Variants in SNN observed in about 807,000 individuals in gnomAD.
SNN encodes the protein AG8_1.
Under a neutral mutation model 5.3 loss-of-function variants are expected in SNN, and 5 were observed. The observed-to-expected ratio is 0.94, with a 90% CI of 0.49 to 1.97. The LOEUF (loss-of-function observed/expected upper bound fraction) is 1.97. SNN is among the 30% of genes most tolerant of loss of function. The pLI, the probability that SNN is intolerant of heterozygous loss-of-function variation, is 0.01. For missense variants in SNN, 127 were observed against 121.6 expected, an observed-to-expected ratio of 1.04 and a Z score of -0.21; for synonymous variants, 67 against 52.1, an observed-to-expected ratio of 1.29 and a Z score of -1.24.
In SNN at chr16:11,672,298, G is replaced by C. The variant is rs1277151657; in HGVS notation, c.-85-3677G>C. On this transcript the variant is annotated intron_variant, in intron 1 of 1. Transcript: ENST00000329565. This position sits in a 1 kb window ranked among gnomAD's most constrained non-coding sequence, Gnocchi z 6.0. ...CCAGGGGACAGCCCCTGAGCCTAGA[G>C]AAGGGCAGGTAGCAAGGAGAGCAAA... Among the ~76,000 whole-genome samples, 1 of 152,194 alleles carries C rather than the reference G, an allele frequency of 6.6e-6. No individual in the cohort carries two copies. The highest frequency in any genetic ancestry group is 2.4e-5 in the African/African-American group (1 of 41,428).
In SNN at chr16:11,679,142, TATA is replaced by T. The variant is rs2050338031; in HGVS notation, c.*2817_*2819del. 30 of 1,560,108 alleles carry T rather than the reference TATA, an allele frequency of 1.9e-5. No individual in the cohort carries two copies. The South Asian group carries it at 3.3e-4, about 17-fold the overall frequency. ...TAAATTTCAATAAAATTTGCATAAA[TATA>T]TTCCCAATGTACAATTTTCACCTCT... On this transcript the variant is annotated 3_prime_UTR_variant, in exon 2 of 2. Coordinates refer to ENST00000329565, the MANE Select transcript of SNN (RefSeq NM_003498.6). The surrounding 1 kb of genome is among the most constrained non-coding windows in gnomAD (Gnocchi z 4.6).
chr16:11,674,853 T>C (rs1264723681), intron 1 of SNN, among the ~76,000 whole-genome samples: 3 of 152,184 alleles, frequency 2.0e-5, no homozygotes, highest in Non-Finnish European at 4.4e-5. Context: ...TTCCTGACAA[T>C]GGCACCCTGT....
Position 11,676,035 on chromosome 16 carries a change from G to A in SNN, c.-25G>A, listed in dbSNP as rs374074051. 4.5e-6 allele frequency: 7 copies of A among 1,552,312 alleles called. No homozygotes were observed. The highest frequency in any genetic ancestry group is 5.2e-6 in the Non-Finnish European group (6 of 1,145,192). ...AGTGGCCACCCCCAAAGTGCTGCCA[G>A]CCGAGGAAGCCCCCAGCACTGACCA... is the stretch of plus-strand genomic sequence containing the variant. On this transcript the variant is annotated 5_prime_UTR_variant, in exon 2 of 2. Coordinates refer to ENST00000329565, the MANE Select transcript of SNN (RefSeq NM_003498.6).
At chr16:11,670,606 C>T (rs897723719) in intron 1 of SNN, among the ~76,000 whole-genome samples, 5 of 152,246 alleles carry the variant, frequency 3.3e-5, no homozygotes, top group African/African-American at 7.2e-5. Flanking sequence ...ATCCTCCCCA[C>T]GACCTGGTAG....
Position 11,679,075 on chromosome 16 carries a change from C to G in SNN, c.*2749C>G, listed in dbSNP as rs745947611. The stretch of plus-strand genomic sequence containing the variant: ...TCTTCAATAAATGCTGAATGACATT[C>G]AAGCTGATTTTCTAGACCACTGAGA... On this transcript the variant is annotated 3_prime_UTR_variant, in exon 2 of 2. Coordinates refer to ENST00000329565, the MANE Select transcript of SNN (RefSeq NM_003498.6). The surrounding 1 kb of genome is among the most constrained non-coding windows in gnomAD (Gnocchi z 4.6). The G allele has an allele frequency of 2.3e-5, 25 of 1,087,468 alleles. No homozygotes were observed. The highest frequency in any genetic ancestry group is 3.3e-5 in the Non-Finnish European group (25 of 765,712). 67.4% of individuals were successfully genotyped at this position (1,087,468 alleles called of 1,614,324 possible).
At chr16:11,673,738 T>C (rs553561868) in intron 1 of SNN, among the ~76,000 whole-genome samples, 1 of 152,074 alleles carries the variant, frequency 6.6e-6, no homozygotes, top group South Asian at 2.1e-4. Flanking sequence ...CAGGGCCTGG[T>C]AGGAGGGTTC....
intron 1 of SNN, among the ~76,000 whole-genome samples, chr16:11,669,526 C>T (rs558465927): frequency 6.6e-6 from 1 of 152,346 alleles, no homozygotes; most frequent in South Asian, 2.1e-4. Context: ...CTTAACTTCT[C>T]TGAGCCACCA....
At chr16:11,669,161 G>A (rs563613078) in intron 1 of SNN, among the ~76,000 whole-genome samples, 103 of 152,302 alleles carry the variant, frequency 6.8e-4, no homozygotes, top group African/African-American at 2.4e-3. Context: ...CTGGAGCCTC[G>A]CTTTGCTCCT....
At chr16:11,669,884 T>G (rs1175057692) in intron 1 of SNN, among the ~76,000 whole-genome samples, 1 of 151,220 alleles carries the variant, frequency 6.6e-6, no homozygotes, top group African/African-American at 2.4e-5. Flanking sequence ...TTTCCTCTTC[T>G]GAGGATGGGG....
At chr16:11,670,218 A>AT (rs931417565) in intron 1 of SNN, among the ~76,000 whole-genome samples, 22 of 143,354 alleles carry the variant, frequency 1.5e-4, no homozygotes, top group African/African-American at 6.2e-4. Flanking sequence ...AGGTGGCTTT[A>AT]TGGGGGGAGG....
At position 11,671,776 on chromosome 16, in the gene SNN, G is replaced by A. The variant is rs909003887; in HGVS notation, c.-86+3236G>A. 4.6e-5 allele frequency among the ~76,000 whole-genome samples: 7 copies of A among 152,316 alleles called. No homozygotes were observed. Among genetic ancestry groups the A allele is most frequent in the African/African-American group, 1.7e-4 (7 of 41,570 alleles). On this transcript the variant is annotated intron_variant, in intron 1 of 1. Coordinates refer to ENST00000329565, the MANE Select transcript of SNN (RefSeq NM_003498.6). This position sits in a 1 kb window ranked among gnomAD's most constrained non-coding sequence, Gnocchi z 4.7. ...CAGCTTTGCTCAGAGGGGCTAGAAA[G>A]GAAGAACAGACAGGTGGGGTCCAGC...
chr16:11,670,580 T>G (rs1339379908), intron 1 of SNN, among the ~76,000 whole-genome samples: 2 of 152,212 alleles, frequency 1.3e-5, no homozygotes, highest in Non-Finnish European at 2.9e-5. Context: ...TGTTTTCACT[T>G]TTCTTACCAC....
intron 1 of SNN, among the ~76,000 whole-genome samples, chr16:11,669,540 T>G (rs988630993): frequency 1.3e-5 from 2 of 152,238 alleles, no homozygotes; most frequent in African/African-American, 4.8e-5. Context: ...GCCACCAATT[T>G]CTGTATCTGC....
rs1422070798 is a variant in SNN at position 11,672,064 on chromosome 16, C to A, written c.-86+3524C>A. 1.3e-5 allele frequency among the ~76,000 whole-genome samples: 2 copies of A among 149,236 alleles called. No homozygotes were observed. The highest frequency in any genetic ancestry group is 4.9e-5 in the African/African-American group (2 of 41,208). On this transcript the variant is annotated intron_variant, in intron 1 of 1. Transcript: ENST00000329565. The surrounding 1 kb of genome is among the most constrained non-coding windows in gnomAD (Gnocchi z 6.0). ...CTGTGCTCAGGGTTCTGGGAGTGCCCTGAGTGTCAGGGACCCCCCCACCTA... is the reference window on the plus strand; with the variant it reads ...CTGTGCTCAGGGTTCTGGGAGTGCCATGAGTGTCAGGGACCCCCCCACCTA...
At chr16:11,674,796 C>G (rs1217733509) in intron 1 of SNN, among the ~76,000 whole-genome samples, 1 of 152,226 alleles carries the variant, frequency 6.6e-6, no homozygotes, top group Non-Finnish European at 1.5e-5. Flanking sequence ...GCCTCCCTGC[C>G]TCCCACCTGC....
In SNN at chr16:11,671,932, T is replaced by C. The variant is rs945061655; in HGVS notation, c.-86+3392T>C. On this transcript the variant is annotated intron_variant, in intron 1 of 1. Transcript: ENST00000329565. This position sits in a 1 kb window ranked among gnomAD's most constrained non-coding sequence, Gnocchi z 4.7. ...AGCTGCCCTTCCATGGGCTCAGGCC[T>C]GCCCTAATCCACTGGCACTCGCCGT... Among the ~76,000 whole-genome samples the C allele has an allele frequency of 1.1e-4, 17 of 152,222 alleles. No individual in the cohort carries two copies. The highest frequency in any genetic ancestry group is 4.1e-4 in the African/African-American group (17 of 41,452).
chr16:11,670,173 C>T (rs537651346), intron 1 of SNN, among the ~76,000 whole-genome samples: 6 of 151,608 alleles, frequency 4.0e-5, no homozygotes, highest in East Asian at 3.9e-4. Context: ...GTTTGTGACC[C>T]GGGGTTCGCT....
rs2050334217 is a variant in SNN at position 11,678,919 on chromosome 16, G to A, written c.*2593G>A. On this transcript the variant is annotated 3_prime_UTR_variant, in exon 2 of 2. Coordinates refer to ENST00000329565, the MANE Select transcript of SNN (RefSeq NM_003498.6). ...CTGCAGAAGCAACAGTGGGGGCACA[G>A]GGAGGGAACTCTTGACACTGAGCCA... 4.6e-6 allele frequency: 2 copies of A among 430,566 alleles called. No individual in the cohort carries two copies. The highest frequency in any genetic ancestry group is 4.3e-6 in the Non-Finnish European group (1 of 231,836). The allele number at this position is 430,566 out of a possible 1,614,324, so 26.7% of individuals were successfully genotyped here.
chr16:11,675,320 C>T (rs12921129), intron 1 of SNN, among the ~76,000 whole-genome samples: 82,245 of 145,224 alleles, frequency 0.57, 23,388 homozygotes, highest in Middle Eastern at 0.66. Context: ...AGGGCTAGAG[C>T]GCAGTGGTGA....
Sources: gnomAD v4.1 joint callset for allele counts (sites outside exome capture counted in the v4.1 genomes callset) on GRCh38, gnomAD v4.1.1 for gene constraint, Gnocchi (gnomAD v3.1) non-coding constraint, MANE v1.5 for transcripts, NCBI Gene and HGNC (gene_info 2026-07-23, HGNC 2026-07-21) for gene names.